KCNQ5: variants seen among roughly 807,000 people sequenced by gnomAD.
The protein encoded by KCNQ5 is potassium voltage-gated channel subfamily KQT member 5.
KCNQ5 carries 30 observed loss-of-function variants against 98.2 expected under a neutral mutation model. The observed-to-expected ratio is 0.31, with a 90% confidence interval of 0.23 to 0.41. The LOEUF (loss-of-function observed/expected upper bound fraction) is 0.41. Among genes scored for constraint, KCNQ5 ranks in the 10% least tolerant of loss-of-function variants. KCNQ5 has a pLI of 1.00. For synonymous variants in KCNQ5, 458 were observed against 449.4 expected (o/e 1.02, Z -0.24); for missense variants, 835 against 1,182.5 (o/e 0.71, Z 4.31).
intron 1 of KCNQ5, among the ~76,000 whole-genome samples, chr6:72,628,234 T>G (rs1033267582): frequency 1.6e-4 from 25 of 152,190 alleles, no homozygotes; most frequent in African/African-American, 5.1e-4. Flanking sequence ...TCTTTTCAGT[T>G]TTCTTAGACG....
At chr6:72,637,086 G>A (rs1475882431) in intron 1 of KCNQ5, among the ~76,000 whole-genome samples, 2 of 152,116 alleles carry the variant, frequency 1.3e-5, no homozygotes, top group Non-Finnish European at 2.9e-5. Context: ...AATTAAACTA[G>A]TTAAACTAAA....
rs185141811 is a variant in KCNQ5, at chr6:72,900,503, A to G, written c.399-103405A>G. Among the ~76,000 whole-genome samples the G allele has an allele frequency of 7.6e-3, 1,119 of 146,530 alleles. 14 individuals carry two copies. Among genetic ancestry groups the G allele is most frequent in the African/African-American group, 0.024 (980 of 40,234 alleles). ...ATCATATATATATATATACTCCATCATATATATATATATTTATATATATAC... is the reference window on the plus strand; with the variant it reads ...ATCATATATATATATATACTCCATCGTATATATATATATTTATATATATAC... On this transcript the variant is annotated intron_variant, in intron 1 of 13. Transcript: ENST00000370398.
At chr6:72,685,533 A>G (rs2154474012) in intron 1 of KCNQ5, among the ~76,000 whole-genome samples, 1 of 152,276 alleles carries the variant, frequency 6.6e-6, no homozygotes, top group Middle Eastern at 3.4e-3. Context: ...TGCATTTTTT[A>G]TATCCTTCAG....
chr6:73,054,635 GTTCAACATCCC>G (rs2150368728), intron 3 of KCNQ5, among the ~76,000 whole-genome samples: 1 of 152,134 alleles, frequency 6.6e-6, no homozygotes, highest in East Asian at 1.9e-4. Context: ...TTTTGATAAA[GTTCAACATCCC>G]TTCACGTTAA....
At chr6:72,789,571 T>C (rs1773926104) in intron 1 of KCNQ5, among the ~76,000 whole-genome samples, 3 of 152,356 alleles carry the variant, frequency 2.0e-5, no homozygotes, top group African/African-American at 7.2e-5. Flanking sequence ...TAACTTGTTA[T>C]AGAAAGAGTA....
rs546566282 is a variant in KCNQ5, at chr6:73,171,320, T to A, written c.1577+1466T>A. ...TGGACAGTCCAGATTATGCCTCTAG[T>A]CTCATCATAAGTGTTAATAATGCTC... On this transcript the variant is annotated intron_variant, in intron 11 of 13. Transcript: ENST00000370398. Among the ~76,000 whole-genome samples, 11 of 152,194 alleles carry A rather than the reference T, an allele frequency of 7.2e-5. No homozygotes were observed. The South Asian group carries it at 2.1e-3, about 29-fold the overall frequency.
intron 10 of KCNQ5, among the ~76,000 whole-genome samples, chr6:73,155,252 A>G (rs981216878): frequency 6.6e-6 from 1 of 152,234 alleles, no homozygotes; most frequent in Non-Finnish European, 1.5e-5. Context: ...AAGTGCCACA[A>G]AAGTTACATG....
chr6:72,999,218 A>G (rs1374196783), intron 1 of KCNQ5, among the ~76,000 whole-genome samples: 2 of 152,234 alleles, frequency 1.3e-5, no homozygotes, highest in African/African-American at 4.8e-5. Flanking sequence ...ATTAAATCTA[A>G]CAAATTGATT....
At chr6:73,022,026 T>C (rs1770629525) in intron 2 of KCNQ5, among the ~76,000 whole-genome samples, 1 of 152,098 alleles carries the variant, frequency 6.6e-6, no homozygotes, top group Non-Finnish European at 1.5e-5. Context: ...TCATGCACAT[T>C]AAAGAATAAT....
chr6:72,860,323 C>T (rs925080910), intron 1 of KCNQ5, among the ~76,000 whole-genome samples: 4 of 151,904 alleles, frequency 2.6e-5, no homozygotes, highest in African/African-American at 4.8e-5. Flanking sequence ...TATTCCAATT[C>T]GGTTATTTCA....
chr6:73,100,675 G>GA lies in KCNQ5; in HGVS notation c.919-4570dup, dbSNP rs113661896. 9.5e-4 allele frequency among the ~76,000 whole-genome samples: 113 copies of GA among 118,548 alleles called. 1 individual carries two copies. Among genetic ancestry groups the GA allele is most frequent in the Middle Eastern group, 4.2e-3 (1 of 236 alleles). The allele number at this position is 118,548 out of a possible 152,430, so 77.8% of individuals were successfully genotyped here. A position where few individuals can be genotyped will look rare whatever the true frequency, so the allele number is the denominator to read the frequency against. On this transcript the variant is annotated intron_variant, in intron 5 of 13. Coordinates refer to ENST00000370398, the MANE Select transcript of KCNQ5 (RefSeq NM_019842.4). ...CAGAGTGAGACTCTGTCTCAAAAAAGAAAAAAAAAAAAGATAAACAAAAGA... is the reference window on the plus strand; with the variant it reads ...CAGAGTGAGACTCTGTCTCAAAAAAGAAAAAAAAAAAAAGATAAACAAAAGA...
intron 1 of KCNQ5, among the ~76,000 whole-genome samples, chr6:72,634,086 G>A (rs1046375149): frequency 1.3e-5 from 2 of 152,178 alleles, no homozygotes; most frequent in African/African-American, 4.8e-5. Flanking sequence ...GATTGTGGAT[G>A]GTACGTGTGG....
At chr6:73,085,474 C>T (rs907491039) in intron 5 of KCNQ5, among the ~76,000 whole-genome samples, 5 of 152,164 alleles carry the variant, frequency 3.3e-5, no homozygotes, top group Non-Finnish European at 7.4e-5. Context: ...ACATCCCTAG[C>T]TCCTTTGAAA....
intron 1 of KCNQ5, among the ~76,000 whole-genome samples, chr6:72,880,545 C>CTATTGTGA (rs1778598456): frequency 6.6e-6 from 1 of 152,164 alleles, no homozygotes; most frequent in Non-Finnish European, 1.5e-5. Context: ...GCTATCCATG[C>CTATTGTGA]ACTTGTGTGG....
At chr6:73,127,538 G>T (rs2150448618) in intron 9 of KCNQ5, among the ~76,000 whole-genome samples, 1 of 152,338 alleles carries the variant, frequency 6.6e-6, no homozygotes, top group African/African-American at 2.4e-5. Flanking sequence ...AGCCATGACT[G>T]TAGAGTGGGT....
rs1777938291 is a variant in KCNQ5 at position 73,169,792 on chromosome 6, C to T, written c.1515C>T (p.Cys505=). 1 of 1,613,846 alleles carries T rather than the reference C, an allele frequency of 6.2e-7. No individual in the cohort carries two copies. The highest frequency in any genetic ancestry group is 8.5e-7 in the Non-Finnish European group (1 of 1,179,768). Residue 505 remains cysteine (C), a synonymous_variant, in exon 11 of 14, where the codon TGC becomes TGT. Transcript: ENST00000370398. ...GTDDVYDEKG[C]QCDVSVEDLT... Reference sequence around the variant, plus strand: ...ATGATGTATATGATGAAAAAGGATGCCAGTGTGATGTATCAGTGGAAGACC... The same window carrying T: ...ATGATGTATATGATGAAAAAGGATGTCAGTGTGATGTATCAGTGGAAGACC...
chr6:72,876,733 T>A (rs764387271), intron 1 of KCNQ5, among the ~76,000 whole-genome samples: 1 of 152,218 alleles, frequency 6.6e-6, no homozygotes, highest in Non-Finnish European at 1.5e-5. Context: ...CCATCATGTG[T>A]CATACTATCA....
chr6:72,905,446 G>C (rs1240157183), intron 1 of KCNQ5, among the ~76,000 whole-genome samples: 1 of 152,164 alleles, frequency 6.6e-6, no homozygotes, highest in African/African-American at 2.4e-5. Context: ...GCATGTTAAA[G>C]AGCCTTGTTT....
chr6:72,810,825 T>G (rs1027038670), intron 1 of KCNQ5, among the ~76,000 whole-genome samples: 9 of 152,222 alleles, frequency 5.9e-5, no homozygotes, highest in Admixed American at 2.6e-4. Flanking sequence ...CATTCTGACA[T>G]AAAGAATTAA....
Sources: allele counts gnomAD v4.1 joint callset (sites outside exome capture counted in the v4.1 genomes callset), GRCh38; gene constraint gnomAD v4.1.1; transcripts MANE v1.5; gene names NCBI Gene and HGNC (gene_info 2026-07-23, HGNC 2026-07-21).